The following ESR1 variants were observed in gnomAD, a reference collection of about 807,000 sequenced individuals.
ESR1 encodes estrogen receptor.
A neutral mutation model predicts 52.7 loss-of-function variants in ESR1; 12 were observed. The ratio of observed to expected loss-of-function variants is 0.23; its 90% CI spans 0.15 to 0.37. The LOEUF (loss-of-function observed/expected upper bound fraction) is 0.37, where lower values mean the gene tolerates loss of function less well. ESR1 is among the 10% of genes least tolerant of loss of function. The pLI, the probability that ESR1 is intolerant of heterozygous loss-of-function variation, is 1.00. For missense variants in ESR1, 584 were observed against 779.7 expected (o/e 0.75, Z 2.99); for synonymous variants, 305 against 316.8 (o/e 0.96, Z 0.39).
intron 6 of ESR1, among the ~76,000 whole-genome samples, chr6:152,065,441 G>T (rs2128971766): frequency 6.6e-6 from 1 of 152,252 alleles, no homozygotes; most frequent in South Asian, 2.1e-4. Context: ...TCAAGGCTCA[G>T]AAAAATTCAT....
intron 3 of ESR1, among the ~76,000 whole-genome samples, chr6:151,903,177 C>G (rs1205756946): frequency 6.6e-6 from 1 of 152,122 alleles, no homozygotes; most frequent in Non-Finnish European, 1.5e-5. Flanking sequence ...GTGACTTTCC[C>G]CATTTACTAA....
At chr6:151,662,854 C>T (rs1380809538) in intron 1 of ESR1, among the ~76,000 whole-genome samples, 1 of 152,190 alleles carries the variant, frequency 6.6e-6, no homozygotes, top group Non-Finnish European at 1.5e-5. Context: ...AATTGTGGAT[C>T]GTTCCCATGT....
intron 2 of ESR1, among the ~76,000 whole-genome samples, chr6:151,708,618 G>A (rs934621694): frequency 1.3e-5 from 2 of 152,064 alleles, no homozygotes; most frequent in African/African-American, 4.8e-5. Flanking sequence ...TAATGAGTAA[G>A]CATTGTTAAT....
At chr6:151,999,318 C>T (rs2041763444) in intron 4 of ESR1, among the ~76,000 whole-genome samples, 1 of 152,006 alleles carries the variant, frequency 6.6e-6, no homozygotes, top group South Asian at 2.1e-4. Flanking sequence ...GATGCATTTT[C>T]ACAGAGTTTC....
At chr6:151,686,612 C>T (rs1562329082), upstream of ESR1, among the ~76,000 whole-genome samples, 1 of 152,112 alleles carries the variant, frequency 6.6e-6, no homozygotes. Context: ...GGCGTGAACC[C>T]GAGAGGCGGA....
chr6:152,002,137 G>A (rs1045383419), intron 4 of ESR1, among the ~76,000 whole-genome samples: 2 of 151,462 alleles, frequency 1.3e-5, no homozygotes, highest in Non-Finnish European at 2.9e-5. Context: ...AGAACTATAA[G>A]TCCCTGGGTT....
At chr6:151,715,591 A>G (rs1780968247) in intron 2 of ESR1, among the ~76,000 whole-genome samples, 1 of 151,978 alleles carries the variant, frequency 6.6e-6, no homozygotes, top group Non-Finnish European at 1.5e-5. Context: ...TTGATCTTCA[A>G]TCTCTGATAT....
At chr6:152,107,774 A>G (rs2051083464), downstream of ESR1, among the ~76,000 whole-genome samples, 1 of 152,058 alleles carries the variant, frequency 6.6e-6, no homozygotes, top group Non-Finnish European at 1.5e-5. Flanking sequence ...GTTTTTATTC[A>G]TTTTTTAAAT....
At chr6:151,780,358 AAAAAAG>A (rs994238116) in intron 2 of ESR1, among the ~76,000 whole-genome samples, 1 of 150,946 alleles carries the variant, frequency 6.6e-6, no homozygotes, top group Non-Finnish European at 1.5e-5. Flanking sequence ...AAGGTATAAT[AAAAAAG>A]AAAAAGAAAA....
In ESR1 at chr6:151,717,584, T is replaced by A. The variant is rs544273157; in HGVS notation, c.-71+15579T>A. Among the ~76,000 whole-genome samples, 3 of 152,344 alleles carry A rather than the reference T, an allele frequency of 2.0e-5. No individual in the cohort carries two copies. The East Asian group carries it at 5.8e-4, about 29-fold the overall frequency. Reference sequence around the variant, plus strand: ...ATTGGCTTTCTTGCTATGTTTCTTTTTAGCATAAAGCTAATCCAGGAAAAG... The same window carrying A: ...ATTGGCTTTCTTGCTATGTTTCTTTATAGCATAAAGCTAATCCAGGAAAAG... On this transcript the variant is annotated intron_variant, in intron 2 of 2. Transcript: ENST00000404742.
chr6:151,869,689 C>A (rs1164499731), intron 2 of ESR1, among the ~76,000 whole-genome samples: 1 of 152,194 alleles, frequency 6.6e-6, no homozygotes, highest in Admixed American at 6.5e-5. Context: ...AGGCTTTCCT[C>A]TTCACTTTGT....
intron 5 of ESR1, among the ~76,000 whole-genome samples, chr6:152,026,970 CT>C (rs34385133): frequency 0.43 from 63,276 of 145,468 alleles, 15,013 homozygotes; most frequent in African/African-American, 0.66. Flanking sequence ...ATTCTTTTCT[CT>C]TTTTTTTTTT....
At chr6:151,820,782 G>T (rs1298998419) in intron 1 of ESR1, among the ~76,000 whole-genome samples, 1 of 152,154 alleles carries the variant, frequency 6.6e-6, no homozygotes, top group Non-Finnish European at 1.5e-5. Flanking sequence ...CTTGCTAAAA[G>T]CATGTTTAAA....
At chr6:151,670,582 A>C (rs1778014549) in intron 1 of ESR1, among the ~76,000 whole-genome samples, 1 of 116,764 alleles carries the variant, frequency 8.6e-6, no homozygotes, top group Non-Finnish European at 1.8e-5. Context: ...TGAAGAAGGC[A>C]CTTAAAAAAA....
At chr6:151,849,504 T>A (rs531033888) in intron 2 of ESR1, among the ~76,000 whole-genome samples, 1 of 151,938 alleles carries the variant, frequency 6.6e-6, no homozygotes, top group East Asian at 1.9e-4. Context: ...ATTAGCCAGT[T>A]GTGATGGCAT....
intron 2 of ESR1, among the ~76,000 whole-genome samples, chr6:151,718,940 C>A (rs1284364096): frequency 6.6e-6 from 1 of 152,134 alleles, no homozygotes; most frequent in Non-Finnish European, 1.5e-5. Context: ...GGGAGAAACA[C>A]CCTAAATCAG....
intron 4 of ESR1, among the ~76,000 whole-genome samples, chr6:151,969,245 T>C (rs982390601): frequency 6.6e-6 from 1 of 152,206 alleles, no homozygotes; most frequent in East Asian, 1.9e-4. Context: ...CATTGGTTTA[T>C]TTTTAAAAAA....
chr6:152,083,662 A>G (rs983703116), intron 6 of ESR1, among the ~76,000 whole-genome samples: 31 of 152,370 alleles, frequency 2.0e-4, no homozygotes, highest in African/African-American at 7.2e-4. Context: ...ATCAGAGTGA[A>G]CAGGCAACCT....
intron 1 of ESR1, among the ~76,000 whole-genome samples, chr6:151,810,061 A>G (rs982882072): frequency 2.0e-5 from 3 of 152,286 alleles, no homozygotes; most frequent in East Asian, 1.9e-4. Flanking sequence ...CTGAATTTCA[A>G]TGGGCACTAA....
Sources: gnomAD v4.1 joint callset for allele counts (sites outside exome capture counted in the v4.1 genomes callset) on GRCh38, gnomAD v4.1.1 for gene constraint, MANE v1.5 for transcripts, NCBI Gene and HGNC (gene_info 2026-07-23, HGNC 2026-07-21) for gene names.